The following RFX4 variants were observed in gnomAD, a reference collection of about 807,000 sequenced individuals.
The protein encoded by RFX4 is regulatory factor X4.
In RFX4, 10 loss-of-function variants were observed where a neutral mutation model predicts 95.0. The observed-to-expected ratio is 0.11, with a 90% CI of 0.06 to 0.18. RFX4 has a LOEUF of 0.18. Among genes scored for constraint, RFX4 ranks in the 10% least tolerant of loss-of-function variants. RFX4 has a pLI of 1.00. For synonymous variants in RFX4, 321 were observed against 340.7 expected, an observed-to-expected ratio of 0.94 and a Z score of 0.64; for missense variants, 640 against 922.0, an observed-to-expected ratio of 0.69 and a Z score of 3.96.
chr12:106,612,824 C>T (rs112875588), intron 2 of RFX4, among the ~76,000 whole-genome samples: 8 of 149,312 alleles, frequency 5.4e-5, no homozygotes, highest in Non-Finnish European at 1.2e-4. Context: ...GGTGACAGAG[C>T]GAGACTACGT....
intron 4 of RFX4, among the ~76,000 whole-genome samples, chr12:106,656,774 T>C (rs1437645575): frequency 6.6e-6 from 1 of 152,166 alleles, no homozygotes; most frequent in African/African-American, 2.4e-5. Context: ...CTGACATCTA[T>C]GCCCATAGAG....
chr12:106,630,191 T>A (rs373088469), intron 2 of RFX4, among the ~76,000 whole-genome samples: 3 of 152,212 alleles, frequency 2.0e-5, no homozygotes, highest in Non-Finnish European at 4.4e-5. Context: ...TGTGGAATGA[T>A]TGCAGTTTTC....
chr12:106,651,771 C>G (rs1397116503), intron 3 of RFX4, among the ~76,000 whole-genome samples: 1 of 152,104 alleles, frequency 6.6e-6, no homozygotes, highest in Non-Finnish European at 1.5e-5. Context: ...CAATTGTTGT[C>G]GTGCGGGAAT....
chr12:106,676,975 A>G (rs1161558365), intron 4 of RFX4, among the ~76,000 whole-genome samples: 1 of 152,232 alleles, frequency 6.6e-6, no homozygotes, highest in African/African-American at 2.4e-5. Context: ...TTCAAATCGC[A>G]GGTCTGCATC....
rs1417369366 is a variant in RFX4 at position 106,755,376 on chromosome 12, G to A, written c.1935+4583G>A. ...CTCCCAAAGTGCTAGGGTTACAGGC[G>A]TGAACCACCACACCTAGACTTTTCC... On this transcript the variant is annotated intron_variant, in intron 17 of 17. Transcript: ENST00000392842. Among the ~76,000 whole-genome samples, 16 of 152,300 alleles carry A rather than the reference G, an allele frequency of 1.1e-4. No individual in the cohort carries two copies. The South Asian group carries it at 2.1e-3, about 20-fold the overall frequency.
At chr12:106,724,949 G>A (rs966553023) in intron 13 of RFX4, among the ~76,000 whole-genome samples, 2 of 151,018 alleles carry the variant, frequency 1.3e-5, no homozygotes, top group African/African-American at 2.4e-5. Context: ...GGGGGCAGAG[G>A]TTGCAGTGAG....
chr12:106,594,016 G>T (rs901093682), intron 1 of RFX4, among the ~76,000 whole-genome samples: 2 of 152,176 alleles, frequency 1.3e-5, no homozygotes, highest in African/African-American at 2.4e-5. Flanking sequence ...AAGAAGTAGG[G>T]TGCCTTTGTA....
At chr12:106,703,803 T>C (rs1019776591) in intron 8 of RFX4, among the ~76,000 whole-genome samples, 1 of 152,118 alleles carries the variant, frequency 6.6e-6, no homozygotes, top group Non-Finnish European at 1.5e-5. Context: ...TGGTGGCTCA[T>C]GCCTGTAATC....
chr12:106,688,006 T>G (rs532334432), intron 6 of RFX4, among the ~76,000 whole-genome samples: 3 of 152,108 alleles, frequency 2.0e-5, no homozygotes. Context: ...CATAGAATAT[T>G]TGGAGCAAGT....
rs779395940 is a variant in RFX4, at chr12:106,654,188, G to T, written c.192-40G>T. The T allele has an allele frequency of 1.5e-5, 25 of 1,613,130 alleles. No individual in the cohort carries two copies. The African/African-American group carries it at 2.9e-4, about 19-fold the overall frequency. ...GAACAGACCGTTCTTGCTTGGGGAA[G>T]GTAACACATTTTTTGCTCATTGGGC... On this transcript the variant is annotated intron_variant, in intron 3 of 17. Coordinates refer to ENST00000392842, the MANE Select transcript of RFX4 (RefSeq NM_213594.3).
In RFX4 at chr12:106,710,517, C is replaced by T. The variant is rs552466383; in HGVS notation, c.935-936C>T. On this transcript the variant is annotated intron_variant, in intron 9 of 17. Transcript: ENST00000392842. ...TCCACACCTTATTTTTCAAATCAAG[C>T]CAGCTCTGAGTACAAATTAGAATAA... 1.1e-4 allele frequency among the ~76,000 whole-genome samples: 17 copies of T among 152,274 alleles called. No individual in the cohort carries two copies. In the South Asian group the frequency reaches 3.5e-3, roughly 32 times the overall value.
At chr12:106,599,489 A>T (rs1033718098) in intron 1 of RFX4, among the ~76,000 whole-genome samples, 10 of 151,912 alleles carry the variant, frequency 6.6e-5, no homozygotes, top group Admixed American at 6.6e-5. Flanking sequence ...GATGATGATG[A>T]TGATGATGAT....
chr12:106,742,266 A>C (rs527536506), intron 15 of RFX4, among the ~76,000 whole-genome samples: 12 of 152,258 alleles, frequency 7.9e-5, no homozygotes, highest in Admixed American at 3.9e-4. Flanking sequence ...AGCTCACTGC[A>C]GCCTCCACCT....
chr12:106,682,367 GATCA>G, intron 5 of RFX4: 2 of 403,074 alleles, frequency 5.0e-6, no homozygotes, highest in South Asian at 7.3e-5. Context: ...CCTCTTGGAG[GATCA>G]CCAGGTTATC....
At chr12:106,689,239 G>A in intron 6 of RFX4, 48 bp from the exon 7 acceptor site, 2 of 1,430,924 alleles carry the variant, frequency 1.4e-6, no homozygotes, top group Non-Finnish European at 2.0e-6. Flanking sequence ...CAGCAGCAAT[G>A]TGTATTAATG....
intron 1 of RFX4, among the ~76,000 whole-genome samples, chr12:106,596,994 G>A (rs2039629632): frequency 6.6e-6 from 1 of 152,210 alleles, no homozygotes; most frequent in African/African-American, 2.4e-5. Context: ...TTACAAACTT[G>A]TTTGTACCTG....
At chr12:106,730,026 AG>A (rs1256756534) in intron 13 of RFX4, among the ~76,000 whole-genome samples, 3 of 152,180 alleles carry the variant, frequency 2.0e-5, no homozygotes, top group African/African-American at 7.2e-5. Context: ...GATGTGAAGG[AG>A]GTGCAGGACA....
At chr12:106,660,152 G>A (rs988305768) in intron 4 of RFX4, among the ~76,000 whole-genome samples, 30 of 151,962 alleles carry the variant, frequency 2.0e-4, no homozygotes, top group Admixed American at 5.9e-4. Context: ...ACCCAGCCCC[G>A]TGCTGGAAGA....
chr12:106,719,191 T>C (rs2042351615), intron 11 of RFX4, among the ~76,000 whole-genome samples: 1 of 151,856 alleles, frequency 6.6e-6, no homozygotes, highest in South Asian at 2.1e-4. Context: ...TGAAGACAGG[T>C]TGTAAAGTGG....
Sources: gnomAD v4.1 joint callset for allele counts (sites outside exome capture counted in the v4.1 genomes callset) on GRCh38, gnomAD v4.1.1 for gene constraint, MANE v1.5 for transcripts, NCBI Gene and HGNC (gene_info 2026-07-23, HGNC 2026-07-21) for gene names.